The following MAGI2 variants were observed in gnomAD, a reference collection of about 807,000 sequenced individuals.
MAGI2 encodes the protein membrane associated guanylate kinase, WW and PDZ domain containing 2.
Under a neutral mutation model 133.3 loss-of-function variants are expected in MAGI2, and 35 were observed. The observed-to-expected ratio is 0.26, with a 90% confidence interval of 0.20 to 0.35. The LOEUF (loss-of-function observed/expected upper bound fraction) is 0.35. Among genes scored for constraint, MAGI2 ranks in the 10% least tolerant of loss-of-function variants. The probability of loss-of-function intolerance (pLI) is 1.00; values close to 1 mark genes in which losing one functional copy is unlikely to be tolerated. For missense variants in MAGI2, 1,636 were observed against 1,863.4 expected (o/e 0.88, Z 2.25); for synonymous variants, 729 against 710.6 (o/e 1.03, Z -0.41).
At chr7:79,401,054 A>G (rs771256697) in intron 1 of MAGI2, among the ~76,000 whole-genome samples, 4 of 152,162 alleles carry the variant, frequency 2.6e-5, no homozygotes, top group Non-Finnish European at 5.9e-5. Flanking sequence ...GGATATTTTT[A>G]TTATATTTAA....
intron 1 of MAGI2, among the ~76,000 whole-genome samples, chr7:79,378,707 T>C (rs763142804): frequency 5.3e-5 from 8 of 151,328 alleles, no homozygotes; most frequent in Non-Finnish European, 8.9e-5. Flanking sequence ...GTTAATGCAG[T>C]TAACAAAGTA....
chr7:79,100,891 A>C (rs1376113441), intron 1 of MAGI2, among the ~76,000 whole-genome samples: 2 of 151,964 alleles, frequency 1.3e-5, no homozygotes, highest in African/African-American at 4.8e-5. Flanking sequence ...ATTAAAATAA[A>C]AGATTATCCA....
At chr7:78,338,552 G>T (rs1406072211) in intron 9 of MAGI2, among the ~76,000 whole-genome samples, 2 of 152,072 alleles carry the variant, frequency 1.3e-5, no homozygotes, top group African/African-American at 4.8e-5. Flanking sequence ...TCTCATTTTT[G>T]CATCCCTAGT....
chr7:79,204,413 C>A (rs1280942741), intron 1 of MAGI2, among the ~76,000 whole-genome samples: 1 of 152,068 alleles, frequency 6.6e-6, no homozygotes, highest in African/African-American at 2.4e-5. Flanking sequence ...GAGTGCTAGG[C>A]TTCTAGTAGC....
intron 1 of MAGI2, among the ~76,000 whole-genome samples, chr7:79,369,473 A>C (rs1462931022): frequency 6.6e-6 from 1 of 152,220 alleles, no homozygotes; most frequent in Non-Finnish European, 1.5e-5. Flanking sequence ...CAGTCAGGAA[A>C]GCCCAGCTGA....
At chr7:78,376,616 C>T (rs1794472615) in intron 6 of MAGI2, among the ~76,000 whole-genome samples, 1 of 151,724 alleles carries the variant, frequency 6.6e-6, no homozygotes, top group Admixed American at 6.6e-5. Context: ...TATATCTTAC[C>T]AAATTTAATA....
intron 1 of MAGI2, among the ~76,000 whole-genome samples, chr7:79,409,716 A>C (rs1846030370): frequency 6.6e-6 from 1 of 152,140 alleles, no homozygotes; most frequent in African/African-American, 2.4e-5. Flanking sequence ...CATTATGTCT[A>C]ATATAGGATG....
At chr7:78,410,797 A>T (rs914885638) in intron 6 of MAGI2, among the ~76,000 whole-genome samples, 1 of 151,994 alleles carries the variant, frequency 6.6e-6, no homozygotes, top group Admixed American at 6.6e-5. Flanking sequence ...AGACCATGAA[A>T]GATGATGACT....
At chr7:79,295,947 CAT>C (rs1836896059) in intron 1 of MAGI2, among the ~76,000 whole-genome samples, 1 of 152,116 alleles carries the variant, frequency 6.6e-6, no homozygotes, top group African/African-American at 2.4e-5. Flanking sequence ...CTTATTTAGA[CAT>C]AGATTTGTCA....
intron 2 of MAGI2, among the ~76,000 whole-genome samples, chr7:78,854,863 A>T (rs35984196): frequency 0.64 from 97,324 of 151,032 alleles, 31,912 homozygotes; most frequent in Middle Eastern, 0.74. Flanking sequence ...TTACTCTTTT[A>T]TTTTTATTCT....
intron 1 of MAGI2, among the ~76,000 whole-genome samples, chr7:79,189,828 C>T (rs1827497428): frequency 6.6e-6 from 1 of 151,650 alleles, no homozygotes; most frequent in Non-Finnish European, 1.5e-5. Context: ...TTTACTGTCT[C>T]CAGAGTTTTC....
In MAGI2 at chr7:79,453,612, G is replaced by C. The variant is rs972233316; in HGVS notation, c.-292C>G. 10 of 1,020,922 alleles carry C rather than the reference G, an allele frequency of 9.8e-6. No homozygotes were observed. Among genetic ancestry groups the C allele is most frequent in the Non-Finnish European group, 1.2e-5 (10 of 827,980 alleles). 63.2% of individuals were successfully genotyped at this position (1,020,922 alleles called of 1,614,324 possible). ...CAGAGGAAGCAGTGGTGGTGGCGTC[G>C]GCGGCGGCGGCGGCGGCAGCCGGAG... On this transcript the variant is annotated 5_prime_UTR_variant, in exon 1 of 22. Coordinates refer to ENST00000354212, the MANE Select transcript of MAGI2 (RefSeq NM_012301.4).
intron 9 of MAGI2, among the ~76,000 whole-genome samples, chr7:78,325,382 C>A (rs878979542): frequency 6.6e-6 from 1 of 152,180 alleles, no homozygotes; most frequent in Admixed American, 6.5e-5. Context: ...ACTACCTGAC[C>A]TAACCTTATT....
intron 1 of MAGI2, among the ~76,000 whole-genome samples, chr7:79,365,710 A>T (rs377115205): frequency 2.4e-4 from 37 of 151,882 alleles, no homozygotes; most frequent in African/African-American, 8.9e-4. Context: ...ATACAAAAAA[A>T]TTAGCCAGGC....
At chr7:78,131,903 T>C (rs899682771) in intron 18 of MAGI2, among the ~76,000 whole-genome samples, 1 of 152,196 alleles carries the variant, frequency 6.6e-6, no homozygotes, top group South Asian at 2.1e-4. Flanking sequence ...AGACAGAGTC[T>C]CACTCTGTCA....
chr7:79,394,527 C>T (rs1347131956), intron 1 of MAGI2, among the ~76,000 whole-genome samples: 1 of 152,058 alleles, frequency 6.6e-6, no homozygotes, highest in Non-Finnish European at 1.5e-5. Flanking sequence ...AAATCCTGCC[C>T]CAAGATACAT....
At chr7:78,126,156 C>T (rs1258350249) in intron 19 of MAGI2, among the ~76,000 whole-genome samples, 1 of 151,768 alleles carries the variant, frequency 6.6e-6, no homozygotes, top group Non-Finnish European at 1.5e-5. Context: ...TTTTACTTCT[C>T]TCATTCACTG....
At chr7:78,603,111 A>AT (rs61110796) in intron 3 of MAGI2, among the ~76,000 whole-genome samples, 2 of 152,128 alleles carry the variant, frequency 1.3e-5, no homozygotes, top group East Asian at 3.9e-4. Flanking sequence ...GACCTCTTGT[A>AT]TTTTTTTCAA....
chr7:79,376,107 A>G (rs554133104), intron 1 of MAGI2, among the ~76,000 whole-genome samples: 3 of 151,952 alleles, frequency 2.0e-5, no homozygotes, highest in African/African-American at 7.2e-5. Context: ...CCCGTGAATT[A>G]ATCTTATTGT....
Sources: allele counts gnomAD v4.1 joint callset (sites outside exome capture counted in the v4.1 genomes callset), GRCh38; gene constraint gnomAD v4.1.1; transcripts MANE v1.5; gene names NCBI Gene and HGNC (gene_info 2026-07-23, HGNC 2026-07-21).